The following LPIN1 variants were observed in gnomAD, a reference collection of about 807,000 sequenced individuals.
LPIN1 encodes lipin 1, also known as phosphatidate phosphatase LPIN1.
In LPIN1, 71 loss-of-function variants were observed where a neutral mutation model predicts 107.5. That is an observed-to-expected ratio of 0.66 (90% CI 0.55 to 0.80). The LOEUF (loss-of-function observed/expected upper bound fraction) is 0.80. LPIN1 is among the 30% of genes least tolerant of loss of function. The pLI is 0.00. For missense variants in LPIN1, 1,043 were observed against 1,160.6 expected (o/e 0.90, Z 1.47); for synonymous variants, 445 against 452.6 (o/e 0.98, Z 0.21).
upstream of LPIN1, among the ~76,000 whole-genome samples, chr2:11,742,824 C>T (rs1301479602): frequency 6.6e-6 from 1 of 152,256 alleles, no homozygotes; most frequent in Non-Finnish European, 1.5e-5. Context: ...ATGGGGCTTG[C>T]TGTGAGCTCC....
At chr2:11,784,576 C>T (rs1674163995) in intron 9 of LPIN1, 1 of 517,406 alleles carries the variant, frequency 1.9e-6, no homozygotes, top group African/African-American at 1.9e-5. Flanking sequence ...CTCAGTCCCC[C>T]TGCGATCTAG....
intron 1 of LPIN1, among the ~76,000 whole-genome samples, chr2:11,729,534 C>A (rs1199066764): frequency 6.6e-6 from 1 of 152,188 alleles, no homozygotes; most frequent in African/African-American, 2.4e-5. Context: ...TGTTCTGGCA[C>A]TTGTGTTGTA....
intron 1 of LPIN1, among the ~76,000 whole-genome samples, chr2:11,681,249 C>G (rs113325712): frequency 9.2e-5 from 14 of 152,316 alleles, no homozygotes; most frequent in African/African-American, 3.4e-4. Context: ...GGCCCCACCT[C>G]TCCGCCTGAT....
intron 8 of LPIN1, 54 bp downstream of exon 8, chr2:11,782,561 C>T (rs1673764986): frequency 6.3e-7 from 1 of 1,599,358 alleles, no homozygotes; most frequent in Non-Finnish European, 8.6e-7. Flanking sequence ...TGTGCTCACT[C>T]TACACATGAC....
chr2:11,825,824 G>C lies in LPIN1; in HGVS notation c.*1033G>C, dbSNP rs1036078764. On this transcript the variant is annotated 3_prime_UTR_variant, in exon 21 of 21. Coordinates refer to ENST00000674199, the MANE Select transcript of LPIN1 (RefSeq NM_001349206.2). This position sits in a 1 kb window ranked among gnomAD's most constrained non-coding sequence, Gnocchi z 4.1. ...TTACTCTGATTAGGTTACTGTGATA[G>C]GCATTTATTCATATTCTTTCTATAC... is the stretch of plus-strand genomic sequence containing the variant. 5.3e-5 allele frequency: 8 copies of C among 152,234 alleles called. No individual in the cohort carries two copies. The highest frequency in any genetic ancestry group is 1.9e-4 in the African/African-American group (8 of 41,542). The allele number at this position is 152,234 out of a possible 1,614,324, so 9.4% of individuals were successfully genotyped here.
Position 11,802,907 on chromosome 2 carries a change from G to A in LPIN1, c.1887G>A (p.Arg629=), listed in dbSNP as rs758173189. 73 of 1,613,006 alleles carry A rather than the reference G, an allele frequency of 4.5e-5. No homozygotes were observed. In the South Asian group the frequency reaches 7.7e-4, roughly 17 times the overall value. ...EQPPQLSLAT[R]VKHESSSSDE... ...GTGATGACATCACTGTGTGTTCCAG[G>A]GTAAAGCATGAATCATCCTCCAGTG... Residue 629 remains arginine (R), a splice_region_variant and synonymous_variant, in exon 15 of 21, where the codon AGG becomes AGA. Coordinates refer to ENST00000674199, the MANE Select transcript of LPIN1 (RefSeq NM_001349206.2).
At chr2:11,822,850 C>T (rs1011645146) in intron 20 of LPIN1, among the ~76,000 whole-genome samples, 15 of 152,200 alleles carry the variant, frequency 9.9e-5, no homozygotes, top group East Asian at 5.8e-4. Context: ...GTGGCCTCTG[C>T]GGTCATTGCA....
At chr2:11,767,928 G>T in intron 3 of LPIN1, 70 bp downstream of exon 3, 1 of 1,008,936 alleles carries the variant, frequency 9.9e-7, no homozygotes, top group South Asian at 1.3e-5. Flanking sequence ...CTGGAAACAC[G>T]GCAGAAGTTT....
chr2:11,796,704 T>TG lies in LPIN1; in HGVS notation c.1886+1220dup, dbSNP rs578187350. Among the ~76,000 whole-genome samples the TG allele has an allele frequency of 1.1e-3, 171 of 152,252 alleles. 1 individual carries two copies. The highest frequency in any genetic ancestry group is 4.0e-3 in the African/African-American group (167 of 41,556). The stretch of plus-strand genomic sequence containing the variant: ...CACCAGGGTATCGATATTTCCCAGC[T>TG]GGGAATTCTGAGTTTGGCTGTGAGT... On this transcript the variant is annotated intron_variant, in intron 14 of 20. Transcript: ENST00000674199.
intron 17 of LPIN1, chr2:11,805,490 C>A: frequency 2.3e-6 from 1 of 425,582 alleles, no homozygotes; most frequent in Non-Finnish European, 4.4e-6. Context: ...GAAATAGGAG[C>A]TTATATGTTA....
intron 18 of LPIN1, chr2:11,818,140 G>A (rs760123664): frequency 7.2e-5 from 11 of 152,144 alleles, no homozygotes; most frequent in African/African-American, 2.2e-4. Context: ...TCCCAGCATC[G>A]GAAGTGCTAG....
In LPIN1 at chr2:11,786,513, C is replaced by T. The variant is rs1674604592; in HGVS notation, c.1550-561C>T. On this transcript the variant is annotated intron_variant, in intron 10 of 20. Transcript: ENST00000674199. This position sits in a 1 kb window ranked among gnomAD's most constrained non-coding sequence, Gnocchi z 4.1. ...TTTGCTCTGATCCTGGTGGGGCTGC[C>T]CCACCATGATGAGAACAGTGCCCTG... is the stretch of plus-strand genomic sequence containing the variant. Among the ~76,000 whole-genome samples the T allele has an allele frequency of 6.6e-6, 1 of 152,098 alleles. No homozygotes were observed. The highest frequency in any genetic ancestry group is 6.5e-5 in the Admixed American group (1 of 15,276).
At chr2:11,788,066 C>T (rs1194532539) in intron 11 of LPIN1, among the ~76,000 whole-genome samples, 3 of 152,168 alleles carry the variant, frequency 2.0e-5, no homozygotes, top group East Asian at 1.9e-4. Context: ...GTTGCCTTTA[C>T]CTTGACACGT....
At chr2:11,776,919 C>T (rs1426597211) in intron 6 of LPIN1, among the ~76,000 whole-genome samples, 1 of 152,190 alleles carries the variant, frequency 6.6e-6, no homozygotes, top group Non-Finnish European at 1.5e-5. Flanking sequence ...ATCCAGACCT[C>T]AGGATGTACT....
chr2:11,820,083 A>T (rs773104702), intron 19 of LPIN1, among the ~76,000 whole-genome samples: 8 of 152,234 alleles, frequency 5.3e-5, no homozygotes, highest in Non-Finnish European at 1.2e-4. Flanking sequence ...CTGCTCCATC[A>T]GAAAGTCCTA....
At chr2:11,764,091 T>C (rs1271149768) in intron 1 of LPIN1, 7 of 119,660 alleles carry the variant, frequency 5.8e-5, no homozygotes, top group African/African-American at 2.1e-4. Flanking sequence ...TATATATATA[T>C]ATATATATAT....
chr2:11,708,963 A>G (rs1663268756), intron 1 of LPIN1, among the ~76,000 whole-genome samples: 1 of 152,172 alleles, frequency 6.6e-6, no homozygotes, highest in Non-Finnish European at 1.5e-5. Flanking sequence ...CCCCTTTTAT[A>G]GAGGGGAAAT....
chr2:11,812,517 A>C (rs1417372884), intron 17 of LPIN1, among the ~76,000 whole-genome samples: 6 of 152,138 alleles, frequency 3.9e-5, no homozygotes, highest in Non-Finnish European at 8.8e-5. Flanking sequence ...GGGTACAAGC[A>C]GTCCCTGCAG....
intron 10 of LPIN1, among the ~76,000 whole-genome samples, chr2:11,785,942 G>A (rs929883618): frequency 6.6e-6 from 1 of 152,208 alleles, no homozygotes; most frequent in Non-Finnish European, 1.5e-5. Flanking sequence ...CATTCACTCA[G>A]TTTTCCTAGG....
Sources: gnomAD v4.1 joint callset for allele counts (sites outside exome capture counted in the v4.1 genomes callset) on GRCh38, gnomAD v4.1.1 for gene constraint, Gnocchi (gnomAD v3.1) non-coding constraint, MANE v1.5 for transcripts, NCBI Gene and HGNC (gene_info 2026-07-23, HGNC 2026-07-21) for gene names.